Variants in ARHGAP26 observed in about 807,000 individuals in gnomAD.
ARHGAP26 encodes the protein rho GTPase-activating protein 26.
A neutral mutation model predicts 104.8 loss-of-function variants in ARHGAP26; 38 were observed. The observed-to-expected ratio is 0.36, with a 90% confidence interval of 0.28 to 0.48. The LOEUF is 0.48. Among genes scored for constraint, ARHGAP26 ranks in the 20% least tolerant of loss-of-function variants. ARHGAP26 has a pLI of 0.99. For missense variants in ARHGAP26, 704 were observed against 947.9 expected (o/e 0.74, Z 3.38); for synonymous variants, 341 against 340.0 (o/e 1.00, Z -0.03).
At chr5:142,875,478 C>A (rs1184248679) in intron 3 of ARHGAP26, among the ~76,000 whole-genome samples, 1 of 152,092 alleles carries the variant, frequency 6.6e-6, no homozygotes, top group East Asian at 1.9e-4. Context: ...GCGTCGGATT[C>A]TCTACCAGCA....
chr5:143,126,882 T>C (rs1796790331), intron 18 of ARHGAP26, among the ~76,000 whole-genome samples: 2 of 152,196 alleles, frequency 1.3e-5, no homozygotes, highest in African/African-American at 4.8e-5. Flanking sequence ...ACAGAATCTT[T>C]TCTCCAAACT....
chr5:143,219,188 A>G (rs2151426569), intron 22 of ARHGAP26, among the ~76,000 whole-genome samples: 1 of 152,350 alleles, frequency 6.6e-6, no homozygotes, highest in East Asian at 1.9e-4. Context: ...TTTTGGTTCC[A>G]GTATTATGAC....
intron 2 of ARHGAP26, among the ~76,000 whole-genome samples, chr5:142,874,039 G>C (rs1755714660): frequency 6.6e-6 from 1 of 152,204 alleles, no homozygotes; most frequent in Non-Finnish European, 1.5e-5. Flanking sequence ...GCAGTTGGCT[G>C]AGCTATGCGT....
intron 1 of ARHGAP26, among the ~76,000 whole-genome samples, chr5:142,857,214 A>G (rs1013597345): frequency 2.0e-5 from 3 of 152,180 alleles, no homozygotes; most frequent in African/African-American, 7.2e-5. Context: ...TACATCTACA[A>G]AGACCCCATT....
intron 20 of ARHGAP26, among the ~76,000 whole-genome samples, chr5:143,198,418 G>A (rs1807195232): frequency 1.3e-5 from 2 of 152,184 alleles, no homozygotes; most frequent in Non-Finnish European, 2.9e-5. Context: ...CTGAAATGCG[G>A]TATTGGAAAA....
intron 1 of ARHGAP26, among the ~76,000 whole-genome samples, chr5:142,855,849 CT>C (rs1156561742): frequency 2.0e-5 from 3 of 151,914 alleles, no homozygotes; most frequent in Non-Finnish European, 4.4e-5. Context: ...AGCCTGTCTA[CT>C]TTTTACTTAC....
At chr5:143,177,987 C>CTTTTTT (rs397705462) in intron 20 of ARHGAP26, among the ~76,000 whole-genome samples, 2 of 58,296 alleles carry the variant, frequency 3.4e-5, no homozygotes, top group African/African-American at 6.9e-5. Context: ...TGTGGCAGTC[C>CTTTTTT]TTTTTTTTTT....
At chr5:143,020,939 C>T (rs978605719) in intron 12 of ARHGAP26, among the ~76,000 whole-genome samples, 2 of 152,144 alleles carry the variant, frequency 1.3e-5, no homozygotes, top group East Asian at 1.9e-4. Context: ...TGCACCTGGC[C>T]TAATCTAGTG....
At chr5:142,890,423 TG>T (rs1473035812) in intron 5 of ARHGAP26, among the ~76,000 whole-genome samples, 1 of 150,452 alleles carries the variant, frequency 6.6e-6, no homozygotes, top group Non-Finnish European at 1.5e-5. Flanking sequence ...TGGAGCATGG[TG>T]ACAGTGGGTT....
At chr5:142,803,993 TA>T (rs77917430) in intron 1 of ARHGAP26, among the ~76,000 whole-genome samples, 18,843 of 152,174 alleles carry the variant, frequency 0.12, 1,382 homozygotes, top group East Asian at 0.23. Flanking sequence ...TAGTAATCCT[TA>T]ACAGCAGCCC....
chr5:143,199,128 GTTAAA>G (rs1807311077), intron 20 of ARHGAP26, among the ~76,000 whole-genome samples: 1 of 152,162 alleles, frequency 6.6e-6, no homozygotes, highest in Non-Finnish European at 1.5e-5. Context: ...AAAAATGCAT[GTTAAA>G]TTATATTAGA....
At chr5:142,933,916 A>G (rs536594530) in intron 11 of ARHGAP26, among the ~76,000 whole-genome samples, 17 of 152,204 alleles carry the variant, frequency 1.1e-4, no homozygotes, top group Admixed American at 3.9e-4. Context: ...GATAAAATTT[A>G]AAATTGCCTT....
chr5:142,999,393 GT>G (rs1776881592), intron 11 of ARHGAP26, among the ~76,000 whole-genome samples: 1 of 152,044 alleles, frequency 6.6e-6, no homozygotes, highest in African/African-American at 2.4e-5. Context: ...TATAGTGAGG[GT>G]TCCCAAAGGA....
intron 14 of ARHGAP26, among the ~76,000 whole-genome samples, chr5:143,042,116 C>G (rs1439608042): frequency 6.6e-6 from 1 of 152,180 alleles, no homozygotes; most frequent in Non-Finnish European, 1.5e-5. Flanking sequence ...GGCCCAGACA[C>G]CACACCCTCT....
chr5:142,850,538 A>G (rs1751312849), intron 1 of ARHGAP26, among the ~76,000 whole-genome samples: 1 of 152,136 alleles, frequency 6.6e-6, no homozygotes, highest in African/African-American at 2.4e-5. Flanking sequence ...ACTTGCATAC[A>G]AACTTTCGAA....
intron 12 of ARHGAP26, among the ~76,000 whole-genome samples, chr5:143,024,786 T>G (rs1438774044): frequency 6.6e-6 from 1 of 152,196 alleles, no homozygotes; most frequent in Non-Finnish European, 1.5e-5. Context: ...TGATCAGAGT[T>G]GTCAGAGCCT....
At chr5:142,771,170 G>A (rs1289518398) in intron 1 of ARHGAP26, 7 of 1,289,136 alleles carry the variant, frequency 5.4e-6, no homozygotes, top group Non-Finnish European at 6.9e-6. Flanking sequence ...TGGTGCTCTG[G>A]GGCAGCGCGG....
chr5:143,065,181 C>T (rs923081922), intron 17 of ARHGAP26, among the ~76,000 whole-genome samples: 1 of 152,068 alleles, frequency 6.6e-6, no homozygotes, highest in Non-Finnish European at 1.5e-5. Flanking sequence ...TCAGTTTCTT[C>T]CTTGCTAATC....
At chr5:143,068,417 C>A (rs1787814227) in intron 17 of ARHGAP26, among the ~76,000 whole-genome samples, 2 of 152,098 alleles carry the variant, frequency 1.3e-5, no homozygotes, top group South Asian at 2.1e-4. Context: ...ACCACAATAT[C>A]CACACCTGTG....
Sources: allele counts gnomAD v4.1 joint callset (sites outside exome capture counted in the v4.1 genomes callset), GRCh38; gene constraint gnomAD v4.1.1; transcripts MANE v1.5; gene names NCBI Gene and HGNC (gene_info 2026-07-23, HGNC 2026-07-21).